Variants in SPATS2 observed in about 807,000 individuals in gnomAD.
SPATS2 encodes the protein spermatogenesis associated serine rich 2, also known as spermatogenesis-associated serine-rich protein 2.
A neutral mutation model predicts 63.7 loss-of-function variants in SPATS2; 38 were observed. The ratio of observed to expected loss-of-function variants is 0.60; its 90% CI spans 0.46 to 0.78. The LOEUF is 0.78. Among genes scored for constraint, SPATS2 ranks in the 30% least tolerant of loss-of-function variants. The pLI is 0.00. For synonymous variants in SPATS2, 207 were observed against 232.9 expected (o/e 0.89, Z 1.01); for missense variants, 588 against 666.2 (o/e 0.88, Z 1.29).
chr12:49,466,557 T>C (rs1308308872), intron 3 of SPATS2, among the ~76,000 whole-genome samples: 3 of 152,218 alleles, frequency 2.0e-5, no homozygotes, highest in African/African-American at 7.2e-5. Flanking sequence ...TTGACGAGGC[T>C]ATCCTTTCCT....
At chr12:49,451,604 C>T (rs946176924) in intron 2 of SPATS2, among the ~76,000 whole-genome samples, 11 of 152,174 alleles carry the variant, frequency 7.2e-5, no homozygotes, top group African/African-American at 1.2e-4. Flanking sequence ...TGCTGTGTTG[C>T]CCAGGCTGGC....
intron 6 of SPATS2, among the ~76,000 whole-genome samples, chr12:49,491,479 C>T (rs1946381541): frequency 1.3e-5 from 2 of 151,994 alleles, no homozygotes. Flanking sequence ...CTTTGGGAGG[C>T]TGAGGTGGGA....
At chr12:49,487,213 G>A (rs1343154172) in intron 4 of SPATS2, among the ~76,000 whole-genome samples, 2 of 152,102 alleles carry the variant, frequency 1.3e-5, no homozygotes, top group South Asian at 2.1e-4. Context: ...GGGGCCAGGC[G>A]CGATGGCTCA....
chr12:49,522,286 A>G (rs1055811565), intron 11 of SPATS2, among the ~76,000 whole-genome samples: 1 of 152,234 alleles, frequency 6.6e-6, no homozygotes, highest in Non-Finnish European at 1.5e-5. Context: ...TTCAAGGACT[A>G]AGAAATCCTA....
intron 2 of SPATS2, among the ~76,000 whole-genome samples, chr12:49,436,182 C>G (rs1446322092): frequency 2.0e-5 from 3 of 151,810 alleles, no homozygotes; most frequent in East Asian, 2.0e-4. Flanking sequence ...GGGGTGGTGG[C>G]CGGGCAGAGG....
At chr12:49,369,691 A>G (rs1482497715) in intron 1 of SPATS2, among the ~76,000 whole-genome samples, 2 of 152,198 alleles carry the variant, frequency 1.3e-5, no homozygotes, top group Non-Finnish European at 2.9e-5. Flanking sequence ...CCTGTGATTT[A>G]ACAAAGGTCT....
chr12:49,461,199 T>A, intron 3 of SPATS2, 162 bp downstream of exon 3: 1 of 714,900 alleles, frequency 1.4e-6, no homozygotes, highest in South Asian at 2.0e-5. Flanking sequence ...TGGGAATTAA[T>A]TCATATAACA....
At chr12:49,411,964 T>G (rs1944805025) in intron 2 of SPATS2, among the ~76,000 whole-genome samples, 1 of 152,142 alleles carries the variant, frequency 6.6e-6, no homozygotes, top group African/African-American at 2.4e-5. Context: ...GAACATTAAA[T>G]TCCCTGCCAG....
intron 3 of SPATS2, among the ~76,000 whole-genome samples, chr12:49,470,795 C>T (rs1029789763): frequency 3.3e-5 from 5 of 152,200 alleles, no homozygotes; most frequent in Admixed American, 2.0e-4. Context: ...TATCATTAGC[C>T]TGTTAGCCTT....
chr12:49,371,051 A>G (rs1943989268), intron 1 of SPATS2, among the ~76,000 whole-genome samples, 177 bp from the exon 2 acceptor site: 2 of 152,232 alleles, frequency 1.3e-5, no homozygotes, highest in Non-Finnish European at 2.9e-5. Flanking sequence ...GGTAAACTAT[A>G]CATAACAAAA....
intron 3 of SPATS2, among the ~76,000 whole-genome samples, chr12:49,483,956 T>A (rs1455143323): frequency 1.3e-5 from 2 of 152,240 alleles, no homozygotes. Context: ...AAGTAATTTA[T>A]TGATCACATA....
intron 9 of SPATS2, among the ~76,000 whole-genome samples, chr12:49,508,226 T>C (rs374980673): frequency 2.0e-5 from 3 of 152,094 alleles, no homozygotes; most frequent in East Asian, 1.9e-4. Flanking sequence ...TTTTTTTTTT[T>C]AGACTGAGTC....
chr12:49,421,247 G>A (rs569044971), intron 2 of SPATS2, among the ~76,000 whole-genome samples: 4 of 151,832 alleles, frequency 2.6e-5, no homozygotes, highest in South Asian at 2.1e-4. Flanking sequence ...GCAAAAGCCC[G>A]TCTCTACTAA....
chr12:49,460,661 A>G (rs1945806710), intron 2 of SPATS2, 109 bp from the exon 3 acceptor site: 1 of 234,290 alleles, frequency 4.3e-6, no homozygotes, highest in East Asian at 1.1e-4. Flanking sequence ...GTACTTAAAA[A>G]CTAGTTTTGT....
chr12:49,459,147 G>C (rs1331894728), intron 2 of SPATS2, among the ~76,000 whole-genome samples: 1 of 152,100 alleles, frequency 6.6e-6, no homozygotes, highest in African/African-American at 2.4e-5. Context: ...CAGAGAAGGA[G>C]ATGGGGTATA....
At chr12:49,516,894 G>T (rs1228724404) in intron 10 of SPATS2, among the ~76,000 whole-genome samples, 1 of 151,840 alleles carries the variant, frequency 6.6e-6, no homozygotes, top group African/African-American at 2.4e-5. Context: ...GAAAATCCTG[G>T]TTCTCAATGA....
At chr12:49,489,714 C>T (rs553744060) in intron 5 of SPATS2, 141 bp downstream of exon 5, 17 of 634,372 alleles carry the variant, frequency 2.7e-5, no homozygotes, top group African/African-American at 1.3e-4. Flanking sequence ...TGACATTTGA[C>T]GATACCTCTT....
intron 5 of SPATS2, chr12:49,490,051 A>G (rs894075661): frequency 1.3e-5 from 2 of 153,534 alleles, no homozygotes; most frequent in Non-Finnish European, 2.9e-5. Context: ...GGCTTAGTCA[A>G]CCCTTCAGAT....
chr12:49,520,165 A>G (rs574876434), intron 11 of SPATS2, among the ~76,000 whole-genome samples: 12 of 152,092 alleles, frequency 7.9e-5, no homozygotes, highest in African/African-American at 2.9e-4. Flanking sequence ...TTTTTAGTAG[A>G]GATGGGGTTT....
Sources: allele counts gnomAD v4.1 joint callset (sites outside exome capture counted in the v4.1 genomes callset), GRCh38; gene constraint gnomAD v4.1.1; transcripts MANE v1.5; gene names NCBI Gene and HGNC (gene_info 2026-07-23, HGNC 2026-07-21).